The following C5 variants were observed in gnomAD, a reference collection of about 807,000 sequenced individuals.
The protein encoded by C5 is C3 and PZP-like alpha-2-macroglobulin domain-containing protein 4.
C5 carries 140 observed loss-of-function variants against 218.8 expected under a neutral mutation model. The ratio of observed to expected loss-of-function variants is 0.64; its 90% CI spans 0.56 to 0.74. The LOEUF is 0.74. Among genes scored for constraint, C5 ranks in the 30% least tolerant of loss-of-function variants. The pLI is 0.00. For synonymous variants in C5, 614 were observed against 682.3 expected, an observed-to-expected ratio of 0.90 and a Z score of 1.56; for missense variants, 1,700 against 1,969.6, an observed-to-expected ratio of 0.86 and a Z score of 2.59.
At chr9:121,045,307 T>C (rs1178582828) in intron 2 of C5, among the ~76,000 whole-genome samples, 2 of 152,166 alleles carry the variant, frequency 1.3e-5, no homozygotes, top group African/African-American at 2.4e-5. Flanking sequence ...ACCCTCAGCA[T>C]TGGCTTTTTA....
the C5 span, among the ~76,000 whole-genome samples, chr9:121,070,352 T>TGAAA: frequency 8.3e-6 from 1 of 120,762 alleles, no homozygotes; most frequent in Non-Finnish European, 1.6e-5. Context: ...AACAAAATTC[T>TGAAA]GAAAGAAAGA....
intron 39 of C5, among the ~76,000 whole-genome samples, chr9:120,955,510 T>TA (rs2046777885): frequency 6.6e-6 from 1 of 152,222 alleles, no homozygotes; most frequent in Admixed American, 6.5e-5. Context: ...GGCTTATTAC[T>TA]GCTTGTAATA....
At chr9:121,050,822 C>T (rs2131831265), upstream of C5, among the ~76,000 whole-genome samples, 1 of 152,226 alleles carries the variant, frequency 6.6e-6, no homozygotes, top group East Asian at 1.9e-4. Context: ...CTGTCTCAGT[C>T]TAGAGAACAC....
intron 22 of C5, among the ~76,000 whole-genome samples, chr9:120,994,705 C>T (rs16910255): frequency 0.099 from 15,109 of 151,978 alleles, 851 homozygotes; most frequent in African/African-American, 0.15. Context: ...GCTGCCTAAA[C>T]CCAAGTTGCC....
intron 25 of C5, among the ~76,000 whole-genome samples, chr9:120,988,713 C>T: frequency 6.6e-6 from 1 of 152,308 alleles, no homozygotes; most frequent in South Asian, 2.1e-4. Context: ...TATGTTTTAA[C>T]AGGGTCACTT....
In C5 at chr9:121,043,179, T is replaced by G. The variant is rs1473692804; in HGVS notation, c.259-13A>C. 6.2e-7 allele frequency: 1 copy of G among 1,603,048 alleles called. No individual in the cohort carries two copies. The highest frequency in any genetic ancestry group is 8.5e-7 in the Non-Finnish European group (1 of 1,171,710). Reference sequence around the variant, plus strand: ...GTTTTGGTTGTATCTGGAAAAGAAATTGTTGATGGAAAAAGTATAATAATT... The same window carrying G: ...GTTTTGGTTGTATCTGGAAAAGAAAGTGTTGATGGAAAAAGTATAATAATT... On this transcript the variant is annotated splice_polypyrimidine_tract_variant and intron_variant, in intron 2 of 40. Coordinates refer to ENST00000223642, the MANE Select transcript of C5 (RefSeq NM_001735.3).
intron 12 of C5, among the ~76,000 whole-genome samples, chr9:121,018,750 G>GAAGGAAGGAAAGAAAGA (rs1564154016): frequency 1.4e-5 from 1 of 70,742 alleles, no homozygotes. Flanking sequence ...GGAAAGGAAG[G>GAAGGAAGGAAAGAAAGA]AAGGAAGGAA....
At chr9:121,056,482 T>A in the C5 span, among the ~76,000 whole-genome samples, 2 of 152,218 alleles carry the variant, frequency 1.3e-5, no homozygotes, top group Non-Finnish European at 2.9e-5. Context: ...AGTGTATGGC[T>A]ACATTTCTTC....
At chr9:121,002,224 A>G (rs370066157) in intron 20 of C5, among the ~76,000 whole-genome samples, 2 of 48,414 alleles carry the variant, frequency 4.1e-5, no homozygotes, top group Non-Finnish European at 5.0e-5. Flanking sequence ...ACGTATATAT[A>G]TATATGTATA....
At chr9:120,969,683 A>G (rs1001151769) in intron 32 of C5, among the ~76,000 whole-genome samples, 1 of 152,152 alleles carries the variant, frequency 6.6e-6, no homozygotes, top group African/African-American at 2.4e-5. Context: ...AGGAGAGACT[A>G]AAAAAGAAAG....
In C5 at chr9:121,006,039, A is replaced by G. The variant is rs2047213123; in HGVS notation, c.2442T>C (p.Thr814=). ...ISNTGICVAD[T]VKAKVFKDVF... ...CATCTTTGAACACCTTTGCCTTGAC[A>G]GTATCAGCAACACATATACCTTCAG... The change falls in exon 20 of 41, where the codon ACT becomes ACC. Residue 814 remains threonine (T), a synonymous_variant. Transcript: ENST00000223642. 4 of 1,613,814 alleles carry G rather than the reference A, an allele frequency of 2.5e-6. No homozygotes were observed. Among genetic ancestry groups the G allele is most frequent in the South Asian group, 1.1e-5 (1 of 91,078 alleles).
In C5 at chr9:120,980,077, T is replaced by C. The variant is rs2046980514; in HGVS notation, c.3658+6A>G. 3 of 1,613,704 alleles carry C rather than the reference T, an allele frequency of 1.9e-6. No homozygotes were observed. The Middle Eastern group carries it at 4.9e-4, about 266-fold the overall frequency. On this transcript the variant is annotated splice_donor_region_variant and intron_variant, in intron 28 of 40. Coordinates refer to ENST00000223642, the MANE Select transcript of C5 (RefSeq NM_001735.3). ...TCACTGAATACATGTATGGAACAAG[T>C]TATACCTTTAACCAAAGCTTCTCTC... is the stretch of plus-strand genomic sequence containing the variant.
chr9:121,013,318 G>GAAAAAA (rs138938912), intron 17 of C5, among the ~76,000 whole-genome samples: 5 of 99,242 alleles, frequency 5.0e-5, no homozygotes, highest in South Asian at 3.8e-4. Context: ...GATTCCTACT[G>GAAAAAA]AAAAAAAAAA....
the C5 span, among the ~76,000 whole-genome samples, chr9:121,065,039 C>T: frequency 6.6e-6 from 1 of 151,400 alleles, no homozygotes; most frequent in East Asian, 1.9e-4. Context: ...CACTGTACTG[C>T]AGCCTGGGTG....
At chr9:121,026,879 T>C (rs556728686) in intron 8 of C5, among the ~76,000 whole-genome samples, 1 of 151,970 alleles carries the variant, frequency 6.6e-6, no homozygotes, top group South Asian at 2.1e-4. Context: ...ATAAATGATA[T>C]TGTAAAGACC....
chr9:120,958,469 T>C (rs1318740350), intron 38 of C5, among the ~76,000 whole-genome samples: 1 of 152,212 alleles, frequency 6.6e-6, no homozygotes, highest in African/African-American at 2.4e-5. Flanking sequence ...AGAAATAATT[T>C]AGTGGAACTT....
At chr9:120,967,734 T>A (rs577509378) in intron 33 of C5, among the ~76,000 whole-genome samples, 3 of 152,050 alleles carry the variant, frequency 2.0e-5, no homozygotes, top group East Asian at 1.9e-4. Context: ...TTTTTTTTTT[T>A]ATTTGGAGAC....
chr9:121,023,641 A>G, intron 9 of C5, 122 bp from the exon 10 acceptor site: 1 of 714,804 alleles, frequency 1.4e-6, no homozygotes, highest in Non-Finnish European at 2.6e-6. Context: ...TCTTGCATTC[A>G]TTCATTTACC....
intron 25 of C5, among the ~76,000 whole-genome samples, chr9:120,983,115 T>C (rs2047007205): frequency 6.6e-6 from 1 of 152,202 alleles, no homozygotes. Context: ...ATAAAATAAA[T>C]AGTTTTGAGT....
Sources: gnomAD v4.1 joint callset for allele counts (sites outside exome capture counted in the v4.1 genomes callset) on GRCh38, gnomAD v4.1.1 for gene constraint, MANE v1.5 for transcripts, NCBI Gene and HGNC (gene_info 2026-07-23, HGNC 2026-07-21) for gene names.